TLN2: variants seen among roughly 807,000 people sequenced by gnomAD.
TLN2 encodes the protein talin 2.
TLN2 carries 118 observed loss-of-function variants against 294.7 expected under a neutral mutation model. That is an observed-to-expected ratio of 0.40 (90% CI 0.34 to 0.47). TLN2 has a LOEUF of 0.47. Among genes scored for constraint, TLN2 ranks in the 20% least tolerant of loss-of-function variants. The probability of loss-of-function intolerance (pLI) is 0.84; values close to 1 mark genes in which losing one functional copy is unlikely to be tolerated. For missense variants in TLN2, 3,083 were observed against 3,282.2 expected, an observed-to-expected ratio of 0.94 and a Z score of 1.48; for synonymous variants, 1,431 against 1,304.5, an observed-to-expected ratio of 1.10 and a Z score of -2.09.
chr15:62,468,043 C>T (rs1397111929), intron 1 of TLN2, among the ~76,000 whole-genome samples: 1 of 152,112 alleles, frequency 6.6e-6, no homozygotes, highest in Non-Finnish European at 1.5e-5. Flanking sequence ...TTTTAATAAT[C>T]CAGACCCTTA....
intron 18 of TLN2, 137 bp from the exon 19 acceptor site, chr15:62,702,629 C>G: frequency 2.5e-6 from 2 of 785,834 alleles, no homozygotes; most frequent in East Asian, 2.7e-5. Flanking sequence ...TGTCTTCTAT[C>G]TGGCAGACCA....
intron 1 of TLN2, among the ~76,000 whole-genome samples, chr15:62,440,752 A>G (rs1439503973): frequency 6.6e-6 from 1 of 152,200 alleles, no homozygotes; most frequent in Non-Finnish European, 1.5e-5. Flanking sequence ...TGTCATGGAA[A>G]GCAGCATGTG....
chr15:62,606,988 C>T (rs1413872718), intron 2 of TLN2, among the ~76,000 whole-genome samples: 2 of 152,166 alleles, frequency 1.3e-5, no homozygotes, highest in African/African-American at 2.4e-5. Context: ...CATCCTCCTC[C>T]TCACCATCAC....
chr15:62,833,440 GTT>G, intron 54 of TLN2, 62 bp from the exon 55 acceptor site: 1 of 1,585,142 alleles, frequency 6.3e-7, no homozygotes, highest in Non-Finnish European at 8.6e-7. Context: ...GCAGTAAGTA[GTT>G]TGGAAGAAAG....
At chr15:62,808,104 G>A (rs2066422015) in intron 51 of TLN2, among the ~76,000 whole-genome samples, 1 of 152,082 alleles carries the variant, frequency 6.6e-6, no homozygotes, top group African/African-American at 2.4e-5. Flanking sequence ...CACACGGAGG[G>A]GCAGAAAATT....
At chr15:62,473,878 G>A (rs2037631736) in intron 1 of TLN2, among the ~76,000 whole-genome samples, 1 of 152,208 alleles carries the variant, frequency 6.6e-6, no homozygotes. Flanking sequence ...TGGATCACCT[G>A]AGGTCAGGAG....
Position 62,707,117 on chromosome 15 carries a change from C to T in TLN2, c.2036C>T (p.Ala679Val), listed in dbSNP as rs867458472. 6.2e-7 allele frequency: 1 copy of T among 1,613,894 alleles called. No homozygotes were observed. The highest frequency in any genetic ancestry group is 8.5e-7 in the Non-Finnish European group (1 of 1,179,884). ...TTAATGAGTTTGGCCAAAGCTGTTG[C>T]CAATGCAGCTGCCATGTTGGTACTA... ...DVLMSLAKAVANAAAMLVLKA... is the reference protein window; with the variant it reads ...DVLMSLAKAVVNAAAMLVLKA... Residue 679 changes from alanine (A) to valine (V), a missense_variant, in exon 20 of 59, where the codon GCC becomes GTC. Coordinates refer to ENST00000636159, the MANE Select transcript of TLN2 (RefSeq NM_015059.3).
chr15:62,708,678 TCTC>T lies in TLN2; in HGVS notation c.2352_2354del (p.Leu785del), dbSNP rs2059226793. ...GCGTGGTCAGCCAGGCCCTCCATGA[TCTC>T]CTGCAGCATGTGCGGCAGTTTGCCA... On this transcript the variant is annotated inframe_deletion, in exon 21 of 59. Transcript: ENST00000636159. The T allele has an allele frequency of 2.5e-6, 4 of 1,613,944 alleles. No individual in the cohort carries two copies. The highest frequency in any genetic ancestry group is 1.3e-5 in the African/African-American group (1 of 74,918).
chr15:62,564,560 T>C (rs939187474), intron 1 of TLN2, among the ~76,000 whole-genome samples: 4 of 152,168 alleles, frequency 2.6e-5, no homozygotes, highest in Admixed American at 2.0e-4. Flanking sequence ...TTACAGATTT[T>C]ACTTTTGTGG....
chr15:62,748,420 C>T lies in TLN2; in HGVS notation c.4095C>T (p.Cys1365=), dbSNP rs151024322. 7.0e-4 allele frequency: 1,122 copies of T among 1,613,708 alleles called. 2 individuals are homozygous for T. Among genetic ancestry groups the T allele is most frequent in the Non-Finnish European group, 5.6e-4 (657 of 1,179,964 alleles). ...AACAAGCTCCGGGCCAGAAAGAGTG[C>T]GATAATGCCCTGCGGGAGCTCGAGG... ...CTQQAPGQKE[C]DNALRELETV... The change falls in exon 33 of 59, where the codon TGC becomes TGT. Residue 1365 remains cysteine, a synonymous_variant. Coordinates refer to ENST00000636159, the MANE Select transcript of TLN2 (RefSeq NM_015059.3).
At chr15:62,428,480 A>T (rs1396989425) in intron 1 of TLN2, among the ~76,000 whole-genome samples, 1 of 152,220 alleles carries the variant, frequency 6.6e-6, no homozygotes, top group East Asian at 1.9e-4. Context: ...GCAGGATTGT[A>T]AACTTGGTTC....
At chr15:62,744,672 G>T (rs533124263) in intron 32 of TLN2, among the ~76,000 whole-genome samples, 4 of 151,984 alleles carry the variant, frequency 2.6e-5, no homozygotes, top group African/African-American at 9.7e-5. Flanking sequence ...TCAGCCTCCC[G>T]AGTAGCTGGG....
chr15:62,776,803 T>C lies in TLN2; in HGVS notation c.5407T>C (p.Leu1803=). The C allele has an allele frequency of 1.3e-6, 2 of 1,596,452 alleles. No homozygotes were observed. The highest frequency in any genetic ancestry group is 1.7e-6 in the Non-Finnish European group (2 of 1,170,676). Residue 1803 remains leucine, a synonymous_variant, in exon 43 of 59, where the codon TTG becomes CTG. Coordinates refer to ENST00000636159, the MANE Select transcript of TLN2 (RefSeq NM_015059.3). ...TGACGCCATCACAGAGGCCGCCCAG[T>C]TGATGAAGGAAGCCGTGGATGACAT... ...THDAITEAAQ[L]MKEAVDDIMV...
At chr15:62,817,070 G>T (rs1465994055) in intron 52 of TLN2, among the ~76,000 whole-genome samples, 1 of 152,174 alleles carries the variant, frequency 6.6e-6, no homozygotes, top group East Asian at 1.9e-4. Flanking sequence ...AAGGAAGACT[G>T]TTGTGGTCGC....
At chr15:62,774,040 G>T (rs781529711) in intron 42 of TLN2, among the ~76,000 whole-genome samples, 1 of 151,772 alleles carries the variant, frequency 6.6e-6, no homozygotes, top group Non-Finnish European at 1.5e-5. Context: ...TCCCTTCTGC[G>T]GCATCCTTGA....
chr15:62,653,968 T>A (rs2052907557), intron 7 of TLN2, among the ~76,000 whole-genome samples: 1 of 152,222 alleles, frequency 6.6e-6, no homozygotes, highest in Admixed American at 6.5e-5. Flanking sequence ...GATGTATATT[T>A]ATGGGATGCA....
At chr15:62,752,239 G>GA in intron 34 of TLN2, 66 bp from the exon 35 acceptor site, 1 of 1,570,948 alleles carries the variant, frequency 6.4e-7, no homozygotes, top group East Asian at 2.3e-5. Flanking sequence ...TTGGAGTGTA[G>GA]CCTCCTTTAC....
At chr15:62,515,214 A>G (rs1172789420) in intron 1 of TLN2, among the ~76,000 whole-genome samples, 2 of 152,166 alleles carry the variant, frequency 1.3e-5, no homozygotes, top group Non-Finnish European at 2.9e-5. Context: ...AATCCCCCCA[A>G]AAGTATATTT....
At chr15:62,815,861 G>A (rs1211763231) in intron 52 of TLN2, among the ~76,000 whole-genome samples, 7 of 152,156 alleles carry the variant, frequency 4.6e-5, no homozygotes, top group Admixed American at 4.6e-4. Flanking sequence ...AATACATTTT[G>A]TATCTGTTCC....
Sources: allele counts gnomAD v4.1 joint callset (sites outside exome capture counted in the v4.1 genomes callset), GRCh38; gene constraint gnomAD v4.1.1; transcripts MANE v1.5; gene names NCBI Gene and HGNC (gene_info 2026-07-23, HGNC 2026-07-21).